Variants in TENM1 observed in about 807,000 individuals in gnomAD.
TENM1 encodes teneurin-1.
TENM1 carries 35 observed loss-of-function variants against 174.8 expected under a neutral mutation model. The ratio of observed to expected loss-of-function variants is 0.20; its 90% CI spans 0.15 to 0.27. The LOEUF is 0.27. Ranked by LOEUF, TENM1 falls within the 10% of genes least tolerant of loss-of-function variation. TENM1 has a pLI of 1.00. For synonymous variants in TENM1, 781 were observed against 798.7 expected, an observed-to-expected ratio of 0.98 and a Z score of 0.37; for missense variants, 1,633 against 2,130.1, an observed-to-expected ratio of 0.77 and a Z score of 4.59.
chrX:124,603,039 G>A (rs1258948024), intron 11 of TENM1, among the ~76,000 whole-genome samples: 1 of 110,838 alleles, frequency 9.0e-6, no homozygotes, highest in African/African-American at 3.3e-5. Context: ...GAAGACAGAG[G>A]CAGAGACTGG....
At chrX:124,756,829 C>T (rs2054262395) in intron 3 of TENM1, among the ~76,000 whole-genome samples, 1 of 111,946 alleles carries the variant, frequency 8.9e-6, no homozygotes, top group East Asian at 2.8e-4. Context: ...GCGAATGCTG[C>T]TGTCTGAAGG....
In TENM1 at chrX:124,714,163, T is replaced by C. The variant is rs781373895; in HGVS notation, c.777-8912A>G. 2.2e-4 allele frequency among the ~76,000 whole-genome samples: 25 copies of C among 111,695 alleles called. No individual in the cohort carries two copies. In the South Asian group the frequency reaches 7.9e-3, roughly 35 times the overall value. On this transcript the variant is annotated intron_variant, in intron 4 of 31. Transcript: ENST00000422452. Reference sequence around the variant, plus strand: ...GGTAGATGATATTATCTGCATTTCATAGGTGAGGAGGCTGTGGGTCAGATA... The same window carrying C: ...GGTAGATGATATTATCTGCATTTCACAGGTGAGGAGGCTGTGGGTCAGATA...
intron 22 of TENM1, among the ~76,000 whole-genome samples, chrX:124,464,643 AG>A (rs1050861023): frequency 2.0e-4 from 22 of 112,204 alleles, no homozygotes; most frequent in Non-Finnish European, 1.1e-4. Context: ...TGGAGGTTCA[AG>A]AGACGTTTGG....
intron 3 of TENM1, among the ~76,000 whole-genome samples, chrX:124,779,261 A>G (rs1603187669): frequency 8.9e-6 from 1 of 111,891 alleles, no homozygotes; most frequent in East Asian, 2.8e-4. Context: ...AAAAGTTTAT[A>G]CTGCCCTCCT....
intron 4 of TENM1, among the ~76,000 whole-genome samples, chrX:124,721,651 C>G (rs1029457710): frequency 8.9e-6 from 1 of 112,164 alleles, no homozygotes; most frequent in African/African-American, 3.2e-5. Flanking sequence ...TGTTATAGTG[C>G]AAAGAGCATT....
chrX:124,387,332 A>G (rs1365454270), intron 28 of TENM1, among the ~76,000 whole-genome samples: 1 of 111,135 alleles, frequency 9.0e-6, no homozygotes, highest in Non-Finnish European at 1.9e-5. Flanking sequence ...GCAGACATAA[A>G]AGGAGCACTG....
chrX:124,541,493 A>G (rs1204851547), intron 15 of TENM1, among the ~76,000 whole-genome samples: 1 of 112,093 alleles, frequency 8.9e-6, no homozygotes, highest in Non-Finnish European at 1.9e-5. Flanking sequence ...ACCTTCAACC[A>G]TGATTGAAAG....
chrX:124,948,834 G>A (rs972908338), intron 1 of TENM1, among the ~76,000 whole-genome samples: 58 of 112,291 alleles, frequency 5.2e-4, no homozygotes, highest in African/African-American at 1.6e-4. Context: ...GATTACAGGC[G>A]TCATTTTTAT....
chrX:124,408,767 C>T (rs1373334797), intron 25 of TENM1, among the ~76,000 whole-genome samples: 6 of 104,307 alleles, frequency 5.8e-5, no homozygotes, highest in Non-Finnish European at 9.8e-5. Flanking sequence ...GTGCTGCACC[C>T]GTTAACTCGT....
chrX:124,526,856 A>G (rs2047988191), intron 16 of TENM1, among the ~76,000 whole-genome samples: 1 of 112,138 alleles, frequency 8.9e-6, no homozygotes, highest in Admixed American at 9.4e-5. Context: ...CTTCAGAACA[A>G]AGTTCTTGAG....
intron 28 of TENM1, among the ~76,000 whole-genome samples, chrX:124,388,457 C>T (rs2060248205): frequency 8.9e-6 from 1 of 112,076 alleles, no homozygotes; most frequent in South Asian, 3.7e-4. Flanking sequence ...TGTTACATTG[C>T]CAAAATACCA....
At chrX:125,131,005 G>C in the TENM1 span, among the ~76,000 whole-genome samples, 31 of 112,211 alleles carry the variant, frequency 2.8e-4, no homozygotes, top group African/African-American at 9.0e-4. Flanking sequence ...AGCCCCTGCT[G>C]ATAAAATGAC....
At chrX:124,463,747 C>T (rs758613666) in intron 22 of TENM1, among the ~76,000 whole-genome samples, 31 of 110,095 alleles carry the variant, frequency 2.8e-4, no homozygotes, top group African/African-American at 9.9e-4. Flanking sequence ...AGACCCTTGG[C>T]CAAGGTGGTG....
intron 15 of TENM1, among the ~76,000 whole-genome samples, chrX:124,539,375 A>G (rs1447720887): frequency 9.0e-6 from 1 of 111,518 alleles, no homozygotes; most frequent in Non-Finnish European, 1.9e-5. Flanking sequence ...ATCTCACCTT[A>G]CAGTATTTAT....
chrX:124,758,160 AAAAAC>A (rs774498913), intron 3 of TENM1, among the ~76,000 whole-genome samples: 11 of 112,239 alleles, frequency 9.8e-5, no homozygotes, highest in Admixed American at 2.8e-4. Context: ...CAATAGCAGA[AAAAAC>A]AAAACAAAAC....
At chrX:124,905,908 G>T (rs999138376) in intron 1 of TENM1, among the ~76,000 whole-genome samples, 11 of 111,980 alleles carry the variant, frequency 9.8e-5, no homozygotes, top group African/African-American at 3.6e-4. Context: ...AAACAGGGCT[G>T]GAAATAGTCA....
rs764401413 is a variant in TENM1 at position 124,426,812 on chromosome X, A to G, written c.4105-4174T>C. Among the ~76,000 whole-genome samples, 11 of 112,039 alleles carry G rather than the reference A, an allele frequency of 9.8e-5. No homozygotes were observed. In the South Asian group the frequency reaches 4.1e-3, roughly 42 times the overall value. On this transcript the variant is annotated intron_variant, in intron 23 of 31. Coordinates refer to ENST00000422452, the Ensembl canonical transcript of TENM1. ...CCTTTCAGACTGAGGCCATCGGATA[A>G]ACATTAAACACCAGCCTTAACAGCT... is the stretch of plus-strand genomic sequence containing the variant.
the TENM1 span, among the ~76,000 whole-genome samples, chrX:125,160,570 CAGAG>C: frequency 6.3e-5 from 3 of 47,574 alleles, no homozygotes; most frequent in African/African-American, 1.4e-4. Flanking sequence ...AAAAAAAAAA[CAGAG>C]AGAGAGAGAG....
intron 24 of TENM1, 94 bp from the exon 28 acceptor site, chrX:124,420,915 T>C: frequency 1.2e-6 from 1 of 853,594 alleles, no homozygotes; most frequent in Non-Finnish European, 1.7e-6. Context: ...AGAATCATTT[T>C]AAAGGAAACA....
Sources: allele counts gnomAD v4.1 joint callset (sites outside exome capture counted in the v4.1 genomes callset), GRCh38; gene constraint gnomAD v4.1.1; transcripts MANE v1.5; gene names NCBI Gene and HGNC (gene_info 2026-07-23, HGNC 2026-07-21).